Variants in PHLDB1 observed in about 807,000 individuals in gnomAD.
PHLDB1 encodes pleckstrin homology like domain family B member 1.
Under a neutral mutation model 139.3 loss-of-function variants are expected in PHLDB1, and 65 were observed. The ratio of observed to expected loss-of-function variants is 0.47; its 90% CI spans 0.38 to 0.57. The LOEUF is 0.57. Ranked by LOEUF, PHLDB1 falls within the 20% of genes least tolerant of loss-of-function variation. PHLDB1 has a pLI of 0.00. For missense variants in PHLDB1, 1,624 were observed against 1,839.7 expected (o/e 0.88, Z 2.14); for synonymous variants, 679 against 734.5 (o/e 0.92, Z 1.22).
Position 118,610,009 on chromosome 11 carries a change from C to T in PHLDB1, c.-22+2310C>T, listed in dbSNP as rs1204469949. Reference sequence around the variant, plus strand: ...GGCCCCAGCCTCCCTCTCCTTCGCCCCATCTCCCCGCCCGTCAGCCTCCCC... The same window carrying T: ...GGCCCCAGCCTCCCTCTCCTTCGCCTCATCTCCCCGCCCGTCAGCCTCCCC... On this transcript the variant is annotated intron_variant, in intron 1 of 22. Coordinates refer to ENST00000600882, the MANE Select transcript of PHLDB1 (RefSeq NM_001144758.3). This position sits in a 1 kb window ranked among gnomAD's most constrained non-coding sequence, Gnocchi z 8.7. Among the ~76,000 whole-genome samples the T allele has an allele frequency of 1.3e-5, 2 of 152,002 alleles. No individual in the cohort carries two copies. Among genetic ancestry groups the T allele is most frequent in the African/African-American group, 4.8e-5 (2 of 41,374 alleles).
In PHLDB1 at chr11:118,608,014, G is replaced by C. The variant is rs56138868; in HGVS notation, c.-22+315G>C. On this transcript the variant is annotated intron_variant, in intron 1 of 22. Coordinates refer to ENST00000600882, the MANE Select transcript of PHLDB1 (RefSeq NM_001144758.3). The surrounding 1 kb of genome is among the most constrained non-coding windows in gnomAD (Gnocchi z 6.7). The stretch of plus-strand genomic sequence containing the variant: ...CTGGCCCTATCCAGACTCTCCCGCC[G>C]GCACCCAGGCGGCCGGGCGGACACT... 6.6e-6 allele frequency among the ~76,000 whole-genome samples: 1 copy of C among 152,048 alleles called. No individual in the cohort carries two copies. Among genetic ancestry groups the C allele is most frequent in the Non-Finnish European group, 1.5e-5 (1 of 67,968 alleles).
At chr11:118,613,169 TA>T (rs1565388046) in intron 1 of PHLDB1, 35 of 449,882 alleles carry the variant, frequency 7.8e-5, no homozygotes, top group Non-Finnish European at 1.0e-4. Context: ...TGTTTTTAAT[TA>T]AAAAAAATTT....
chr11:118,637,530 G>A (rs1945844563), intron 10 of PHLDB1: 1 of 152,214 alleles, frequency 6.6e-6, no homozygotes, highest in African/African-American at 2.4e-5. Context: ...ATTTTTGGAA[G>A]AGGTGGGATT....
rs201209714 is a variant in PHLDB1, at chr11:118,625,112, C to T, written c.481+53C>T. ...GGTTGATGGTGTTCCTGCAGCAGTC[C>T]TCCTCCTTGCTCACTTCAGCCACAC... On this transcript the variant is annotated intron_variant, in intron 5 of 22. Coordinates refer to ENST00000600882, the MANE Select transcript of PHLDB1 (RefSeq NM_001144758.3). 2.3e-3 allele frequency: 3,555 copies of T among 1,526,978 alleles called. 3 individuals carry two copies. Among genetic ancestry groups the T allele is most frequent in the Non-Finnish European group, 2.9e-3 (3,311 of 1,141,516 alleles). 94.6% of individuals were successfully genotyped at this position (1,526,978 alleles called of 1,614,324 possible).
intron 10 of PHLDB1, chr11:118,637,652 C>G (rs1945866198): frequency 6.6e-6 from 1 of 152,198 alleles, no homozygotes; most frequent in African/African-American, 2.4e-5. Context: ...GGCCAGCCTA[C>G]TTTGGTCTTT....
In PHLDB1 at chr11:118,611,530, T is replaced by G. The variant is rs1015689140; in HGVS notation, c.-21-2286T>G. On this transcript the variant is annotated intron_variant, in intron 1 of 22. Coordinates refer to ENST00000600882, the MANE Select transcript of PHLDB1 (RefSeq NM_001144758.3). The surrounding 1 kb of genome is among the most constrained non-coding windows in gnomAD (Gnocchi z 4.7). ...ATAAATAAACTAACGCCCAGACAGGTGAACTGCCTTGCTCCAGGTCACACA... is the reference window on the plus strand; with the variant it reads ...ATAAATAAACTAACGCCCAGACAGGGGAACTGCCTTGCTCCAGGTCACACA... Among the ~76,000 whole-genome samples the G allele has an allele frequency of 3.9e-5, 6 of 152,140 alleles. No homozygotes were observed. The highest frequency in any genetic ancestry group is 1.2e-4 in the African/African-American group (5 of 41,500).
At chr11:118,649,839 A>G (rs746989297) in intron 18 of PHLDB1, among the ~76,000 whole-genome samples, 3 of 152,204 alleles carry the variant, frequency 2.0e-5, no homozygotes. Flanking sequence ...TGTCTTGGTC[A>G]TAGGTGGGAA....
At chr11:118,633,722 G>A (rs186969112) in intron 9 of PHLDB1, 49 of 152,378 alleles carry the variant, frequency 3.2e-4, no homozygotes, top group African/African-American at 1.2e-3. Flanking sequence ...TAAAGGCTGA[G>A]TCCAAGGATG....
Position 118,647,978 on chromosome 11 carries a change from A to T in PHLDB1, c.3556A>T (p.Arg1186Trp). The T allele has an allele frequency of 6.3e-7, 1 of 1,596,346 alleles. No individual in the cohort carries two copies. The highest frequency in any genetic ancestry group is 8.5e-7 in the Non-Finnish European group (1 of 1,171,612). ...GCAGGCCCTGGAGGAGGAGCGGCGGAGGCGTGAGCAGGTAGAACGGAGGCT... is the reference window on the plus strand; with the variant it reads ...GCAGGCCCTGGAGGAGGAGCGGCGGTGGCGTGAGCAGGTAGAACGGAGGCT... ...RRQALEEERR[R>W]REQVERRLQS... The change falls in exon 18 of 23, where the codon AGG becomes TGG. Residue 1186 changes from arginine to tryptophan, a missense_variant. Arg to Trp is a moderately radical substitution (Grantham distance 101). Transcript: ENST00000600882.
At chr11:118,637,262 T>C (rs1945796910) in intron 10 of PHLDB1, 1 of 152,216 alleles carries the variant, frequency 6.6e-6, no homozygotes, top group Admixed American at 6.5e-5. Context: ...ATGCAAAACA[T>C]TTAGCAGAGT....
chr11:118,655,790 A>G (rs1160269087), intron 21 of PHLDB1, 70 bp from the exon 22 acceptor site: 2 of 1,511,688 alleles, frequency 1.3e-6, no homozygotes, highest in East Asian at 4.5e-5. Flanking sequence ...CCTGCCCTCT[A>G]CAGAGGCTCC....
chr11:118,639,066 ACTGGGGTGTAAATGTG>A (rs1458522109), intron 11 of PHLDB1, 65 bp downstream of exon 11: 4 of 1,551,730 alleles, frequency 2.6e-6, no homozygotes, highest in Non-Finnish European at 3.6e-6. Flanking sequence ...GTGCAGAAGG[ACTGGGGTGTAAATGTG>A]CTGGGGTGGA....
intron 6 of PHLDB1, chr11:118,629,863 C>G (rs1944485317): frequency 1.2e-5 from 5 of 419,728 alleles, no homozygotes; most frequent in Non-Finnish European, 2.1e-5. Context: ...CATTCCCACA[C>G]ATAAGCACAC....
intron 6 of PHLDB1, among the ~76,000 whole-genome samples, chr11:118,629,510 AG>A (rs1269707245): frequency 6.6e-6 from 1 of 152,226 alleles, no homozygotes; most frequent in Non-Finnish European, 1.5e-5. Context: ...CGAGCAGAAC[AG>A]GGTTCTTTGG....
At chr11:118,609,831 G>A (rs554150726) in intron 1 of PHLDB1, among the ~76,000 whole-genome samples, 1 of 152,340 alleles carries the variant, frequency 6.6e-6, no homozygotes, top group Non-Finnish European at 1.5e-5. Flanking sequence ...CTACCTTGCG[G>A]AAACCTCCCT....
intron 4 of PHLDB1, among the ~76,000 whole-genome samples, chr11:118,617,987 T>C (rs886479860): frequency 6.6e-6 from 1 of 152,076 alleles, no homozygotes; most frequent in African/African-American, 2.4e-5. Context: ...AAGAACATTG[T>C]TCCCCTGCAT....
chr11:118,645,600 C>T lies in PHLDB1; in HGVS notation c.3366C>T (p.Thr1122=), dbSNP rs781902401. ...TGGAGAGCTCTGACAGCATGGAGAC[C>T]AGCATCTCCACCGGGGGCAACTCGG... ...LSLESSDSME[T]SISTGGNSAC... Residue 1122 remains threonine (T), a synonymous_variant, in exon 16 of 23, where the codon ACC becomes ACT. Transcript: ENST00000600882. The surrounding 1 kb of genome is among the most constrained non-coding windows in gnomAD (Gnocchi z 5.1). 3.7e-6 allele frequency: 6 copies of T among 1,613,542 alleles called. No homozygotes were observed. Among genetic ancestry groups the T allele is most frequent in the Admixed American group, 1.7e-5 (1 of 59,992 alleles).
At chr11:118,613,748 A>G in intron 1 of PHLDB1, 68 bp from the exon 2 acceptor site, 1 of 950,908 alleles carries the variant, frequency 1.1e-6, no homozygotes, top group Non-Finnish European at 1.7e-6. Flanking sequence ...GAACCCTGCC[A>G]CAGAACCTAC....
rs782168200 is a variant in PHLDB1 at position 118,627,701 on chromosome 11, A to G, written c.878A>G (p.His293Arg). ...GTACCTGCCCGTTCCTCCAGCTACCATCTGGCCCTACAGCCCCCACAGTCC... is the reference window on the plus strand; with the variant it reads ...GTACCTGCCCGTTCCTCCAGCTACCGTCTGGCCCTACAGCCCCCACAGTCC... ...PLVPARSSSY[H>R]LALQPPQSRP... The change falls in exon 6 of 23, where the codon CAT becomes CGT. Residue 293 changes from histidine to arginine, a missense_variant. Transcript: ENST00000600882. 2 of 1,610,428 alleles carry G rather than the reference A, an allele frequency of 1.2e-6. No homozygotes were observed. The highest frequency in any genetic ancestry group is 8.5e-7 in the Non-Finnish European group (1 of 1,179,980).
Sources: allele counts gnomAD v4.1 joint callset (sites outside exome capture counted in the v4.1 genomes callset), GRCh38; gene constraint gnomAD v4.1.1; non-coding constraint Gnocchi (gnomAD v3.1); transcripts MANE v1.5; gene names NCBI Gene and HGNC (gene_info 2026-07-23, HGNC 2026-07-21).